Variants in BLVRA observed in about 807,000 individuals in gnomAD.
BLVRA encodes BVR A.
Under a neutral mutation model 32.8 loss-of-function variants are expected in BLVRA, and 22 were observed. The ratio of observed to expected loss-of-function variants is 0.67; its 90% CI spans 0.48 to 0.96. The LOEUF (loss-of-function observed/expected upper bound fraction) is 0.96. Ranked by LOEUF, BLVRA falls within the 40% of genes least tolerant of loss-of-function variation. BLVRA has a pLI of 0.00. For missense variants in BLVRA, 323 were observed against 358.1 expected, an observed-to-expected ratio of 0.90 and a Z score of 0.79; for synonymous variants, 119 against 141.3, an observed-to-expected ratio of 0.84 and a Z score of 1.12.
intron 6 of BLVRA, among the ~76,000 whole-genome samples, chr7:43,802,019 G>A (rs1362998360): frequency 3.9e-5 from 6 of 152,100 alleles, no homozygotes; most frequent in African/African-American, 1.4e-4. Context: ...GCACGCACCT[G>A]TAATTTCAGC....
chr7:43,786,764 G>A (rs1397525947), intron 2 of BLVRA, among the ~76,000 whole-genome samples: 1 of 152,188 alleles, frequency 6.6e-6, no homozygotes, highest in Non-Finnish European at 1.5e-5. Flanking sequence ...AGAAATCCTG[G>A]AAGGAGAAGA....
At chr7:43,800,742 G>C (rs561072002) in intron 6 of BLVRA, among the ~76,000 whole-genome samples, 170 bp downstream of exon 6, 1 of 152,272 alleles carries the variant, frequency 6.6e-6, no homozygotes, top group Non-Finnish European at 1.5e-5. Context: ...CTTGGGTAAA[G>C]AGTATGTTAG....
intron 7 of BLVRA, among the ~76,000 whole-genome samples, chr7:43,804,134 A>G (rs544685660): frequency 6.6e-6 from 1 of 152,354 alleles, no homozygotes; most frequent in East Asian, 1.9e-4. Flanking sequence ...TTCATAGCAG[A>G]TTAGTAGTGG....
At chr7:43,764,753 C>A (rs906088114) in intron 1 of BLVRA, among the ~76,000 whole-genome samples, 1 of 151,762 alleles carries the variant, frequency 6.6e-6, no homozygotes, top group Non-Finnish European at 1.5e-5. Context: ...AAAGTTAAAC[C>A]GAAAGAGAAC....
chr7:43,789,874 T>C (rs535686196), intron 3 of BLVRA, among the ~76,000 whole-genome samples: 266 of 101,378 alleles, frequency 2.6e-3, no homozygotes, highest in African/African-American at 0.01. Flanking sequence ...TAGTGGTATG[T>C]ACGTGTGTGT....
chr7:43,798,197 C>CAAAAAAAAAAAAAAA (rs56855757), intron 5 of BLVRA, among the ~76,000 whole-genome samples: 1 of 45,198 alleles, frequency 2.2e-5, no homozygotes, highest in Non-Finnish European at 4.0e-5. Context: ...CCCCATCTCA[C>CAAAAAAAAAAAAAAA]AAAAAAAAAA....
intron 2 of BLVRA, among the ~76,000 whole-genome samples, chr7:43,773,944 G>C (rs984931774): frequency 7.2e-5 from 11 of 152,218 alleles, no homozygotes; most frequent in African/African-American, 2.7e-4. Flanking sequence ...CTTCTTTTGA[G>C]AAGTGTCTAT....
chr7:43,766,178 C>T (rs561407354), intron 1 of BLVRA, among the ~76,000 whole-genome samples: 1 of 151,288 alleles, frequency 6.6e-6, no homozygotes, highest in East Asian at 1.9e-4. Context: ...CCCAGCTACT[C>T]AGGAGGCTGA....
At chr7:43,801,972 TA>T (rs1016100748) in intron 6 of BLVRA, among the ~76,000 whole-genome samples, 207 of 144,252 alleles carry the variant, frequency 1.4e-3, no homozygotes, top group Middle Eastern at 3.5e-3. Context: ...CCGTCTCTAC[TA>T]AAAAAAAAAA....
intron 7 of BLVRA, among the ~76,000 whole-genome samples, chr7:43,804,603 C>G (rs1254298895): frequency 6.6e-6 from 1 of 152,188 alleles, no homozygotes; most frequent in African/African-American, 2.4e-5. Context: ...TGTACATGTT[C>G]CCCGCAGGGC....
intron 2 of BLVRA, among the ~76,000 whole-genome samples, chr7:43,784,789 G>C (rs915345819): frequency 6.6e-6 from 1 of 151,888 alleles, no homozygotes; most frequent in Non-Finnish European, 1.5e-5. Flanking sequence ...TGTATTTTTA[G>C]TAGAGGCAGG....
chr7:43,763,963 G>T (rs2095745132), intron 1 of BLVRA, among the ~76,000 whole-genome samples: 1 of 152,126 alleles, frequency 6.6e-6, no homozygotes, highest in African/African-American at 2.4e-5. Flanking sequence ...TCAGTGTAGA[G>T]AATAAAATTA....
At chr7:43,802,898 C>T (rs775968785) in intron 6 of BLVRA, among the ~76,000 whole-genome samples, 10 of 135,120 alleles carry the variant, frequency 7.4e-5, no homozygotes, top group African/African-American at 1.5e-4. Flanking sequence ...TCACTATGCC[C>T]GGGTAATTTT....
chr7:43,800,987 A>G (rs2095798077), intron 6 of BLVRA, among the ~76,000 whole-genome samples: 1 of 152,108 alleles, frequency 6.6e-6, no homozygotes. Flanking sequence ...ATAATAAATA[A>G]TAAATATTTA....
upstream of BLVRA, among the ~76,000 whole-genome samples, chr7:43,758,263 A>G (rs926395878): frequency 3.8e-5 from 5 of 131,116 alleles, no homozygotes; most frequent in Admixed American, 3.8e-4. Context: ...CTAAATACCA[A>G]TGGGATCCAG....
chr7:43,804,726 G>T (rs1414317503), intron 7 of BLVRA, among the ~76,000 whole-genome samples: 1 of 152,094 alleles, frequency 6.6e-6, no homozygotes, highest in Non-Finnish European at 1.5e-5. Context: ...CTCATACCAG[G>T]TCTTTTTTAA....
At chr7:43,800,900 T>C (rs530355662) in intron 6 of BLVRA, among the ~76,000 whole-genome samples, 35 of 152,280 alleles carry the variant, frequency 2.3e-4, no homozygotes, top group African/African-American at 8.4e-4. Context: ...AAAGCAAATA[T>C]AATATGAAGA....
chr7:43,793,535 G>C (rs998325053), intron 5 of BLVRA, among the ~76,000 whole-genome samples: 2 of 152,002 alleles, frequency 1.3e-5, no homozygotes, highest in African/African-American at 4.8e-5. Context: ...TGCCCTGTCA[G>C]CCCAGCACTT....
chr7:43,800,018 C>T (rs1389439673), intron 5 of BLVRA, among the ~76,000 whole-genome samples: 1 of 152,140 alleles, frequency 6.6e-6, no homozygotes, highest in Non-Finnish European at 1.5e-5. Context: ...TGCAGTGATG[C>T]AATCTTGGCC....
Sources: allele counts gnomAD v4.1 joint callset (sites outside exome capture counted in the v4.1 genomes callset), GRCh38; gene constraint gnomAD v4.1.1; transcripts MANE v1.5; gene names NCBI Gene and HGNC (gene_info 2026-07-23, HGNC 2026-07-21).